Variants in TGFBR3L observed in about 807,000 individuals in gnomAD.
TGFBR3L encodes the protein transforming growth factor beta receptor 3 like.
In TGFBR3L, 21 loss-of-function variants were observed where a neutral mutation model predicts 20.4. The ratio of observed to expected loss-of-function variants is 1.03; its 90% confidence interval spans 0.73 to 1.48. TGFBR3L has a LOEUF of 1.48. Ranked by LOEUF, TGFBR3L falls within the 40% of genes most tolerant of loss-of-function variation. The probability of loss-of-function intolerance (pLI) is 0.00; values close to 1 mark genes in which losing one functional copy is unlikely to be tolerated. For synonymous variants in TGFBR3L, 245 were observed against 244.2 expected (o/e 1.00, Z -0.03); for missense variants, 479 against 498.0 (o/e 0.96, Z 0.36).
Position 7,916,518 on chromosome 19 carries a change from C to A in TGFBR3L, c.251C>A (p.Pro84Gln), listed in dbSNP as rs1983305886. ...CGCCGCGCGGGGCCGCTCGAGGTCC[C>A]GGCCGACAGCCGCGTGTTCGTGCAG... Residue 84 changes from proline (P) to glutamine (Q), a missense_variant, in exon 1 of 6, where the codon CCG (proline) becomes CAG (glutamine). Transcript: ENST00000565886. 6.6e-7 allele frequency: 1 copy of A among 1,509,042 alleles called. No individual in the cohort carries two copies. 93.5% of individuals were successfully genotyped at this position (1,509,042 alleles called of 1,614,324 possible).
Position 7,918,070 on chromosome 19 carries a change from T to A in TGFBR3L, c.897T>A (p.Pro299=). Residue 299 remains proline (P), a synonymous_variant, in exon 5 of 6, where the codon CCT becomes CCA. Coordinates refer to ENST00000565886, the MANE Select transcript of TGFBR3L (RefSeq NM_001195259.2). Reference sequence around the variant, plus strand: ...TCTCCCTTCCAGCGCCCCACGCCCCTGGCCCGCCCGCGAGAGCCTCGCCCA... The same window carrying A: ...TCTCCCTTCCAGCGCCCCACGCCCCAGGCCCGCCCGCGAGAGCCTCGCCCA... 1 of 1,535,508 alleles carries A rather than the reference T, an allele frequency of 6.5e-7. No homozygotes were observed.
At position 7,917,608 on chromosome 19, in the gene TGFBR3L, G is replaced by A; in HGVS notation, c.724+9G>A. ...GCCGCGGCCGCCCCCCAGTGAGCAC[G>A]CAGTCCTCCTCCGCATGGGGCCGTG... On this transcript the variant is annotated intron_variant, in intron 3 of 5. Coordinates refer to ENST00000565886, the MANE Select transcript of TGFBR3L (RefSeq NM_001195259.2). 1 of 1,469,084 alleles carries A rather than the reference G, an allele frequency of 6.8e-7. No individual in the cohort carries two copies. The allele number at this position is 1,469,084 out of a possible 1,614,324, so 91.0% of individuals were successfully genotyped here. A position where few individuals can be genotyped will look rare whatever the true frequency, so the allele number is the denominator to read the frequency against.
chr19:7,916,478 G>T lies in TGFBR3L; in HGVS notation c.211G>T (p.Glu71Ter). Residue 71 changes from glutamate (E) to a stop codon, truncating the protein, a stop_gained, in exon 1 of 6, where the codon GAG (glutamate) becomes TAG (stop). Coordinates refer to ENST00000565886, the MANE Select transcript of TGFBR3L (RefSeq NM_001195259.2). LOFTEE classifies it high-confidence loss of function. ...CTTCAGCCTGAAGCTGTCCGACACA[G>T]AGGACGTCTTTCCTCGCCGCGCGGG... 6.5e-7 allele frequency: 1 copy of T among 1,527,790 alleles called. No individual in the cohort carries two copies. The highest frequency in any genetic ancestry group is 1.2e-5 in the South Asian group (1 of 83,778). The allele number at this position is 1,527,790 out of a possible 1,614,324, so 94.6% of individuals were successfully genotyped here. A position where few individuals can be genotyped will look rare whatever the true frequency, so the allele number is the denominator to read the frequency against.
At position 7,916,451 on chromosome 19, in the gene TGFBR3L, C is replaced by G; in HGVS notation, c.184C>G (p.Leu62Val). The G allele has an allele frequency of 2.0e-5, 30 of 1,534,234 alleles. No individual in the cohort carries two copies. Among genetic ancestry groups the G allele is most frequent in the Non-Finnish European group, 2.5e-5 (29 of 1,146,036 alleles). The change falls in exon 1 of 6, where the codon CTC becomes GTC. Residue 62 changes from leucine to valine, a missense_variant. By Grantham distance (32) the Leu-to-Val change is conservative. Transcript: ENST00000565886. ...GCCCGGCCCCTGGCTGCGCAGACCC[C>G]TCTTCAGCCTGAAGCTGTCCGACAC...
chr19:7,915,092 A>G lies in TGFBR3L; in HGVS notation c.-1176A>G, dbSNP rs956951923. On this transcript the variant is annotated 5_prime_UTR_variant, in exon 1 of 6. Transcript: ENST00000565886. The stretch of plus-strand genomic sequence containing the variant: ...CCGGTTCAAGTGATTCTCCTGCCTC[A>G]GCCTCCTGAGTAGCTGGGACTACAG... 2.6e-5 allele frequency among the ~76,000 whole-genome samples: 4 copies of G among 152,104 alleles called. No individual in the cohort carries two copies. The highest frequency in any genetic ancestry group is 9.7e-5 in the African/African-American group (4 of 41,408).
At chr19:7,917,073 G>T in intron 2 of TGFBR3L, 131 bp downstream of exon 3, 1 of 1,190,114 alleles carries the variant, frequency 8.4e-7, no homozygotes, top group Non-Finnish European at 1.1e-6. Flanking sequence ...GGGGCGCAAG[G>T]GTCCATCTCT....
rs369754680 is a variant in TGFBR3L, at chr19:7,915,015, C to T, written c.-1253C>T. Among the ~76,000 whole-genome samples the T allele has an allele frequency of 4.6e-5, 7 of 152,150 alleles. No individual in the cohort carries two copies. The highest frequency in any genetic ancestry group is 1.9e-4 in the East Asian group (1 of 5,196). ...TTTGAGATGGAGTCTTGCTCTGCCACGCAGGCTGGAGTGCAGTGGCGCAAT... is the reference window on the plus strand; with the variant it reads ...TTTGAGATGGAGTCTTGCTCTGCCATGCAGGCTGGAGTGCAGTGGCGCAAT... On this transcript the variant is annotated 5_prime_UTR_variant, in exon 1 of 6. Coordinates refer to ENST00000565886, the MANE Select transcript of TGFBR3L (RefSeq NM_001195259.2).
intron 5 of TGFBR3L, 53 bp downstream of exon 6, chr19:7,918,182 C>A: frequency 6.7e-7 from 1 of 1,499,610 alleles, no homozygotes; most frequent in Non-Finnish European, 9.0e-7. Context: ...GACAGTGACG[C>A]TTCCTAGCGC....
chr19:7,917,153 G>A (rs1419412933), intron 2 of TGFBR3L: 2 of 918,310 alleles, frequency 2.2e-6, no homozygotes, highest in African/African-American at 3.5e-5. Context: ...AATCCTTCAG[G>A]GCTGGGGGTT....
intron 4 of TGFBR3L, 29 bp downstream of exon 5, chr19:7,917,888 C>T (rs1052083414): frequency 2.2e-6 from 3 of 1,371,610 alleles, no homozygotes; most frequent in Admixed American, 7.3e-5. Flanking sequence ...AAGCCGGGCC[C>T]CCAGTCTAAT....
intron 2 of TGFBR3L, 55 bp from the exon 4 acceptor site, chr19:7,917,418 C>G (rs984329230): frequency 1.3e-6 from 2 of 1,500,390 alleles, no homozygotes; most frequent in African/African-American, 2.8e-5. Context: ...GGGACCAGAG[C>G]CACGATCCCG....
rs1983267037 is a variant in TGFBR3L, at chr19:7,916,022, C to G, written c.-246C>G. 1 of 631,498 alleles carries G rather than the reference C, an allele frequency of 1.6e-6. No individual in the cohort carries two copies. The highest frequency in any genetic ancestry group is 2.6e-6 in the Non-Finnish European group (1 of 385,486). The allele number at this position is 631,498 out of a possible 1,614,324, so 39.1% of individuals were successfully genotyped here. On this transcript the variant is annotated 5_prime_UTR_variant, in exon 1 of 6. Transcript: ENST00000565886. Reference sequence around the variant, plus strand: ...TATCTCCCCTTAGAAAGGGGAGCCGCCTGTCCTGCTGCGTCCCCAAGAGCA... The same window carrying G: ...TATCTCCCCTTAGAAAGGGGAGCCGGCTGTCCTGCTGCGTCCCCAAGAGCA...
At chr19:7,918,602 A>G (rs1983432863) in intron 5 of TGFBR3L, 2 of 299,602 alleles carry the variant, frequency 6.7e-6, no homozygotes, top group Non-Finnish European at 1.2e-5. Flanking sequence ...CTAGGCGGAC[A>G]CTATTATAAT....
intron 5 of TGFBR3L, 107 bp downstream of exon 6, chr19:7,918,236 TTTG>T: frequency 7.8e-7 from 1 of 1,283,942 alleles, no homozygotes; most frequent in Non-Finnish European, 1.1e-6. Context: ...TGTTTGTTTG[TTTG>T]TTTGTTTGTT....
At chr19:7,917,099 C>T (rs1983347207) in intron 2 of TGFBR3L, 157 bp downstream of exon 3, 1 of 1,130,766 alleles carries the variant, frequency 8.8e-7, no homozygotes, top group East Asian at 3.3e-5. Context: ...CAGAGTTTCT[C>T]CGGGGACAGT....
Position 7,916,797 on chromosome 19 carries a change from C to A in TGFBR3L, c.452C>A (p.Pro151His), listed in dbSNP as rs1231676460. Reference sequence around the variant, plus strand: ...CCGCCGAGCCCGGGTGCCGCCCGCCCCGCGCGTTTCAGCTTCCGCCTGCGC... The same window carrying A: ...CCGCCGAGCCCGGGTGCCGCCCGCCACGCGCGTTTCAGCTTCCGCCTGCGC... The change falls in exon 2 of 6, where the codon CCC becomes CAC. Residue 151 changes from proline (P) to histidine (H), a missense_variant. Coordinates refer to ENST00000565886, the MANE Select transcript of TGFBR3L (RefSeq NM_001195259.2). 1.3e-6 allele frequency: 2 copies of A among 1,486,186 alleles called. No individual in the cohort carries two copies. The highest frequency in any genetic ancestry group is 1.3e-5 in the South Asian group (1 of 79,208). The allele number at this position is 1,486,186 out of a possible 1,614,324, so 92.1% of individuals were successfully genotyped here.
rs1465883400 is a variant in TGFBR3L at position 7,916,060 on chromosome 19, G to A, written c.-208G>A. 1 of 952,262 alleles carries A rather than the reference G, an allele frequency of 1.1e-6. No homozygotes were observed. Among genetic ancestry groups the A allele is most frequent in the Non-Finnish European group, 1.5e-6 (1 of 663,886 alleles). The allele number at this position is 952,262 out of a possible 1,614,324, so 59.0% of individuals were successfully genotyped here. ...GTCCCCAAGAGCAGCCCTGGGGAAG[G>A]TGGGGGAGCTCTGACTTCACCCAGC... is the stretch of plus-strand genomic sequence containing the variant. On this transcript the variant is annotated 5_prime_UTR_variant, in exon 1 of 6. Coordinates refer to ENST00000565886, the MANE Select transcript of TGFBR3L (RefSeq NM_001195259.2).
chr19:7,916,501 G>A lies in TGFBR3L; in HGVS notation c.234G>A (p.Ala78=). ...CAGAGGACGTCTTTCCTCGCCGCGC[G>A]GGGCCGCTCGAGGTCCCGGCCGACA... Residue 78 remains alanine (A), a synonymous_variant, in exon 1 of 6, where the codon GCG becomes GCA. Coordinates refer to ENST00000565886, the MANE Select transcript of TGFBR3L (RefSeq NM_001195259.2). 1 of 1,519,018 alleles carries A rather than the reference G, an allele frequency of 6.6e-7. No homozygotes were observed. The highest frequency in any genetic ancestry group is 8.8e-7 in the Non-Finnish European group (1 of 1,135,918). 94.1% of individuals were successfully genotyped at this position (1,519,018 alleles called of 1,614,324 possible).
rs1037345620 is a variant in TGFBR3L, at chr19:7,915,162, A to G, written c.-1106A>G. On this transcript the variant is annotated 5_prime_UTR_variant, in exon 1 of 6. Transcript: ENST00000565886. ...GCTAATTGTTGTATTTTTAGTAGAG[A>G]CAGCGTTTCCCCATGTTGGCCAGGC... Among the ~76,000 whole-genome samples, 39 of 152,242 alleles carry G rather than the reference A, an allele frequency of 2.6e-4. No individual in the cohort carries two copies. Among genetic ancestry groups the G allele is most frequent in the South Asian group, 8.3e-4 (4 of 4,822 alleles).
Sources: gnomAD v4.1 joint callset for allele counts (sites outside exome capture counted in the v4.1 genomes callset) on GRCh38, gnomAD v4.1.1 for gene constraint, MANE v1.5 for transcripts, NCBI Gene and HGNC (gene_info 2026-07-23, HGNC 2026-07-21) for gene names.